USP45: variants seen among roughly 807,000 people sequenced by gnomAD.
USP45 encodes the protein ubiquitin carboxyl-terminal hydrolase 45.
USP45 carries 89 observed loss-of-function variants against 95.8 expected under a neutral mutation model. That is an observed-to-expected ratio of 0.93 (90% CI 0.78 to 1.11). The LOEUF (loss-of-function observed/expected upper bound fraction) is 1.11, where lower values mean the gene tolerates loss of function less well. Ranked by LOEUF, USP45 falls within the 50% of genes least tolerant of loss-of-function variation. The pLI, the probability that USP45 is intolerant of heterozygous loss-of-function variation, is 0.00. For missense variants in USP45, 898 were observed against 942.5 expected (o/e 0.95, Z 0.62); for synonymous variants, 281 against 316.2 (o/e 0.89, Z 1.18).
chr6:99,492,341 C>T (rs1195624253), intron 5 of USP45, among the ~76,000 whole-genome samples: 1 of 152,196 alleles, frequency 6.6e-6, no homozygotes, highest in Admixed American at 6.5e-5. Context: ...AACATACCCA[C>T]AGGGCAGTGG....
At chr6:99,436,689 T>C (rs1281295467) in intron 17 of USP45, among the ~76,000 whole-genome samples, 3 of 152,234 alleles carry the variant, frequency 2.0e-5, no homozygotes, top group African/African-American at 7.2e-5. Flanking sequence ...GCTACTCCAC[T>C]ATAATACACA....
chr6:99,512,425 A>G (rs1476764392), intron 1 of USP45, among the ~76,000 whole-genome samples: 1 of 152,192 alleles, frequency 6.6e-6, no homozygotes, highest in African/African-American at 2.4e-5. Context: ...ATTTACCTCT[A>G]TCCCTTATAT....
intron 13 of USP45, among the ~76,000 whole-genome samples, chr6:99,459,838 T>C (rs2128608910): frequency 6.6e-6 from 1 of 152,264 alleles, no homozygotes; most frequent in East Asian, 1.9e-4. Context: ...TATTGCCCTG[T>C]CTGCAATGTG....
At position 99,506,912 on chromosome 6, in the gene USP45, GA is replaced by G. The variant is rs552915782; in HGVS notation, c.377+515del. ...TACATTATACAAGGAAAATGATAGA[GA>G]AAAGTAGAAAGGCTGGGCGCAGTGG... On this transcript the variant is annotated intron_variant, in intron 4 of 17. Coordinates refer to ENST00000500704, the MANE Select transcript of USP45 (RefSeq NM_001346022.3). 2.0e-3 allele frequency among the ~76,000 whole-genome samples: 300 copies of G among 152,262 alleles called. 2 individuals are homozygous for G. The highest frequency in any genetic ancestry group is 6.9e-3 in the African/African-American group (286 of 41,570).
intron 5 of USP45, among the ~76,000 whole-genome samples, chr6:99,497,442 A>G (rs1273223542): frequency 6.6e-6 from 1 of 152,174 alleles, no homozygotes; most frequent in Non-Finnish European, 1.5e-5. Flanking sequence ...GAAGTTTAAT[A>G]TTTAAAGAGT....
intron 2 of USP45, 125 bp from the exon 3 acceptor site, chr6:99,508,907 AACTCAAAAGATATATGCTAT>A (rs2128809493): frequency 1.4e-6 from 1 of 723,536 alleles, no homozygotes; most frequent in African/African-American, 1.8e-5. Flanking sequence ...CACACAAAAT[AACTCAAAAGATATATGCTAT>A]ATAATTCCAT....
chr6:99,508,200 TA>T (rs10711741), intron 3 of USP45, among the ~76,000 whole-genome samples: 129,711 of 152,108 alleles, frequency 0.85, 56,039 homozygotes, highest in East Asian at 1. Context: ...TTAATTTCAT[TA>T]AAAAAATTCC....
chr6:99,486,369 A>G (rs1435236855), intron 7 of USP45, among the ~76,000 whole-genome samples: 2 of 152,150 alleles, frequency 1.3e-5, no homozygotes, highest in Non-Finnish European at 2.9e-5. Context: ...ACAGCTCTGC[A>G]TGTCAAATAT....
chr6:99,505,642 A>C (rs1347406995), intron 4 of USP45, among the ~76,000 whole-genome samples: 2 of 7,236 alleles, frequency 2.8e-4, no homozygotes, highest in African/African-American at 7.7e-4. Flanking sequence ...TTCCATCTCA[A>C]AAAAAAAAAA....
intron 15 of USP45, among the ~76,000 whole-genome samples, chr6:99,442,921 T>C (rs1036980740): frequency 6.6e-6 from 1 of 150,890 alleles, no homozygotes; most frequent in Admixed American, 6.6e-5. Context: ...AAGATTTTTA[T>C]TTGAAAATTG....
chr6:99,454,464 G>A (rs959650878), intron 13 of USP45, among the ~76,000 whole-genome samples: 1 of 152,134 alleles, frequency 6.6e-6, no homozygotes, highest in African/African-American at 2.4e-5. Flanking sequence ...ACTGTAAAAA[G>A]CTTCTGCACA....
At chr6:99,476,063 C>T (rs930299440) in intron 9 of USP45, 80 bp downstream of exon 9, 45 of 1,320,344 alleles carry the variant, frequency 3.4e-5, no homozygotes, top group Non-Finnish European at 4.7e-5. Flanking sequence ...ATGATCCACC[C>T]CGCCTTGGCC....
chr6:99,490,533 G>C (rs1794941835), intron 5 of USP45, among the ~76,000 whole-genome samples: 1 of 151,606 alleles, frequency 6.6e-6, no homozygotes, highest in Admixed American at 6.6e-5. Flanking sequence ...ACCTAATACT[G>C]ACATGCTGCC....
intron 5 of USP45, among the ~76,000 whole-genome samples, chr6:99,489,183 G>C (rs1022904854): frequency 1.3e-5 from 2 of 152,168 alleles, no homozygotes; most frequent in African/African-American, 4.8e-5. Context: ...TCTTAACCCA[G>C]GGTAGCAAAG....
chr6:99,501,183 C>G (rs1026639293), intron 5 of USP45, among the ~76,000 whole-genome samples: 3 of 151,372 alleles, frequency 2.0e-5, no homozygotes, highest in Non-Finnish European at 4.4e-5. Flanking sequence ...CAGCCTCTCA[C>G]CTGCCCCCCC....
At position 99,490,873 on chromosome 6, in the gene USP45, G is replaced by T. The variant is rs116633654; in HGVS notation, c.479-2053C>A. 9.2e-3 allele frequency among the ~76,000 whole-genome samples: 1,395 copies of T among 152,222 alleles called. 22 individuals carry two copies. The highest frequency in any genetic ancestry group is 0.032 in the African/African-American group (1,326 of 41,516). On this transcript the variant is annotated intron_variant, in intron 5 of 17. Transcript: ENST00000500704. Reference sequence around the variant, plus strand: ...GTGTGAGCCACCGCGCCCAGCAGAAGATGTTTCTTTCATTAAGCAAACCTA... The same window carrying T: ...GTGTGAGCCACCGCGCCCAGCAGAATATGTTTCTTTCATTAAGCAAACCTA...
intron 14 of USP45, 74 bp downstream of exon 14, chr6:99,445,711 GATTCTCAGTAAA>G: frequency 9.6e-7 from 1 of 1,036,880 alleles, no homozygotes; most frequent in African/African-American, 1.6e-5. Context: ...ATAGGGACAA[GATTCTCAGTAAA>G]ATTCTCAGTG....
rs538142096 is a variant in USP45 at position 99,434,960 on chromosome 6, T to C, written c.*756A>G. The C allele has an allele frequency of 1.3e-5, 2 of 152,522 alleles. No homozygotes were observed. The highest frequency in any genetic ancestry group is 3.9e-4 in the East Asian group (2 of 5,186). The allele number at this position is 152,522 out of a possible 1,614,324, so 9.4% of individuals were successfully genotyped here. A position where few individuals can be genotyped will look rare whatever the true frequency, so the allele number is the denominator to read the frequency against. On this transcript the variant is annotated 3_prime_UTR_variant, in exon 18 of 18. Transcript: ENST00000500704. ...AAATGCCTCAATATAATTCTAGTTT[T>C]TCAAAACCTCAAGGTAATAAGCTAA...
intron 5 of USP45, among the ~76,000 whole-genome samples, chr6:99,490,336 G>A (rs1794894237): frequency 6.6e-6 from 1 of 150,522 alleles, no homozygotes; most frequent in African/African-American, 2.4e-5. Context: ...GCTAATTTTT[G>A]TATTTTTTTT....
Sources: gnomAD v4.1 joint callset for allele counts (sites outside exome capture counted in the v4.1 genomes callset) on GRCh38, gnomAD v4.1.1 for gene constraint, MANE v1.5 for transcripts, NCBI Gene and HGNC (gene_info 2026-07-23, HGNC 2026-07-21) for gene names.